The following MYRIP variants were observed in gnomAD, a reference collection of about 807,000 sequenced individuals.
MYRIP encodes rab effector MyRIP.
In MYRIP, 49 loss-of-function variants were observed where a neutral mutation model predicts 98.0. The ratio of observed to expected loss-of-function variants is 0.50; its 90% CI spans 0.40 to 0.63. The LOEUF is 0.63. Among genes scored for constraint, MYRIP ranks in the 30% least tolerant of loss-of-function variants. The pLI, the probability that MYRIP is intolerant of heterozygous loss-of-function variation, is 0.00. For synonymous variants in MYRIP, 404 were observed against 409.5 expected (o/e 0.99, Z 0.16); for missense variants, 1,004 against 1,058.2 (o/e 0.95, Z 0.71).
intron 2 of MYRIP, among the ~76,000 whole-genome samples, chr3:39,929,793 A>G (rs1008506303): frequency 6.6e-6 from 1 of 152,010 alleles, no homozygotes; most frequent in Non-Finnish European, 1.5e-5. Context: ...GGATTTGACT[A>G]TTCTGGACAC....
At chr3:39,884,870 A>G (rs1190703492) in intron 1 of MYRIP, among the ~76,000 whole-genome samples, 1 of 148,634 alleles carries the variant, frequency 6.7e-6, no homozygotes, top group African/African-American at 2.5e-5. Flanking sequence ...CTAGAGGTGG[A>G]ACCACTAAAA....
At chr3:40,231,734 T>C (rs1002510406) in intron 11 of MYRIP, among the ~76,000 whole-genome samples, 2 of 152,206 alleles carry the variant, frequency 1.3e-5, no homozygotes, top group Non-Finnish European at 2.9e-5. Flanking sequence ...TTTGTGTAAA[T>C]TTTTACTTTC....
At chr3:40,076,569 T>C (rs959735384) in intron 3 of MYRIP, among the ~76,000 whole-genome samples, 1 of 152,204 alleles carries the variant, frequency 6.6e-6, no homozygotes, top group African/African-American at 2.4e-5. Context: ...AGGCCATCTA[T>C]GGTTTAAGCC....
intron 2 of MYRIP, among the ~76,000 whole-genome samples, chr3:39,999,977 G>A (rs1238026210): frequency 6.9e-6 from 1 of 145,712 alleles, no homozygotes; most frequent in Non-Finnish European, 1.5e-5. Flanking sequence ...ATTGAACAAT[G>A]AGAACACATG....
chr3:39,998,625 T>G (rs1946432407), intron 2 of MYRIP, among the ~76,000 whole-genome samples: 2 of 152,140 alleles, frequency 1.3e-5, no homozygotes, highest in Admixed American at 1.3e-4. Flanking sequence ...ACAGATTCAA[T>G]GCCATCCCCA....
chr3:39,888,991 A>G (rs1448615379), intron 1 of MYRIP, among the ~76,000 whole-genome samples: 1 of 152,200 alleles, frequency 6.6e-6, no homozygotes, highest in Admixed American at 6.5e-5. Flanking sequence ...ACCATCTCAC[A>G]CCAGTTATAA....
intron 10 of MYRIP, among the ~76,000 whole-genome samples, chr3:40,201,433 G>A (rs376485508): frequency 8.1e-6 from 1 of 124,154 alleles, no homozygotes; most frequent in Non-Finnish European, 1.8e-5. Flanking sequence ...AATGTAATAT[G>A]AAGGACTCAG....
intron 1 of MYRIP, among the ~76,000 whole-genome samples, chr3:39,858,608 A>G (rs537985024): frequency 7.2e-6 from 1 of 138,128 alleles, no homozygotes; most frequent in East Asian, 1.9e-4. Context: ...AAGGGCACAC[A>G]AAACATTCTC....
chr3:39,836,016 C>T (rs928486300), intron 1 of MYRIP, among the ~76,000 whole-genome samples: 2 of 152,106 alleles, frequency 1.3e-5, no homozygotes, highest in Non-Finnish European at 2.9e-5. Context: ...GGGTTGGTTC[C>T]AAGTTTTTGC....
intron 3 of MYRIP, among the ~76,000 whole-genome samples, chr3:40,129,290 A>C (rs1949586162): frequency 1.3e-5 from 2 of 151,344 alleles, no homozygotes; most frequent in Non-Finnish European, 2.9e-5. Context: ...ATACAAAAAA[A>C]ATTAGCCAGG....
chr3:40,071,129 C>A (rs1485069246), intron 3 of MYRIP: 2 of 985,216 alleles, frequency 2.0e-6, no homozygotes, highest in African/African-American at 3.5e-5. Context: ...TTGATGTCCT[C>A]AACTGCAGTA....
intron 2 of MYRIP, among the ~76,000 whole-genome samples, chr3:39,917,781 T>C (rs6797092): frequency 0.046 from 7,065 of 151,970 alleles, 550 homozygotes; most frequent in African/African-American, 0.16. Context: ...ACCTTTCTCA[T>C]GAAAAGATCT....
In MYRIP at chr3:40,258,288, G is replaced by T; in HGVS notation, c.*122G>T. 8.6e-7 allele frequency: 1 copy of T among 1,156,992 alleles called. No homozygotes were observed. The highest frequency in any genetic ancestry group is 1.3e-6 in the Non-Finnish European group (1 of 773,774). 71.7% of individuals were successfully genotyped at this position (1,156,992 alleles called of 1,614,324 possible). On this transcript the variant is annotated 3_prime_UTR_variant, in exon 17 of 17. Transcript: ENST00000302541. ...GAGGAGAAGGCCTGGGGAGGCCACAGTGCACCATTGCACAGGGCTGTCCTG... is the reference window on the plus strand; with the variant it reads ...GAGGAGAAGGCCTGGGGAGGCCACATTGCACCATTGCACAGGGCTGTCCTG...
chr3:40,063,764 C>G (rs1031125741), intron 3 of MYRIP, among the ~76,000 whole-genome samples: 1 of 152,126 alleles, frequency 6.6e-6, no homozygotes, highest in African/African-American at 2.4e-5. Context: ...GTTCCCAGGC[C>G]TACATTAATA....
intron 2 of MYRIP, among the ~76,000 whole-genome samples, chr3:39,911,624 A>C (rs925667468): frequency 6.6e-6 from 1 of 152,228 alleles, no homozygotes; most frequent in Admixed American, 6.5e-5. Flanking sequence ...CAAGGAGGAA[A>C]GTTTCCACAG....
chr3:39,956,743 T>G (rs150872778), intron 2 of MYRIP, among the ~76,000 whole-genome samples: 8 of 151,592 alleles, frequency 5.3e-5, no homozygotes, highest in Non-Finnish European at 1.2e-4. Flanking sequence ...TCCAGGAGCT[T>G]GTATTTTGAA....
intron 2 of MYRIP, among the ~76,000 whole-genome samples, chr3:39,990,417 T>C (rs1227999830): frequency 1.3e-5 from 2 of 152,212 alleles, no homozygotes; most frequent in Non-Finnish European, 2.9e-5. Context: ...CTGCTTCTAG[T>C]CAGCCATCTT....
chr3:39,971,765 T>G (rs904096430), intron 2 of MYRIP, among the ~76,000 whole-genome samples: 1 of 152,236 alleles, frequency 6.6e-6, no homozygotes, highest in African/African-American at 2.4e-5. Context: ...AATTAAATTC[T>G]TATTTATTCC....
intron 3 of MYRIP, among the ~76,000 whole-genome samples, chr3:40,137,230 C>T (rs1949798407): frequency 6.6e-6 from 1 of 152,202 alleles, no homozygotes; most frequent in Non-Finnish European, 1.5e-5. Context: ...GAAATACAAA[C>T]TACCATCAGA....
Sources: allele counts gnomAD v4.1 joint callset (sites outside exome capture counted in the v4.1 genomes callset), GRCh38; gene constraint gnomAD v4.1.1; transcripts MANE v1.5; gene names NCBI Gene and HGNC (gene_info 2026-07-23, HGNC 2026-07-21).